Variants in SYN3 observed in about 807,000 individuals in gnomAD.
SYN3 encodes synapsin III, also known as synapsin-3.
A neutral mutation model predicts 65.8 loss-of-function variants in SYN3; 35 were observed. The ratio of observed to expected loss-of-function variants is 0.53; its 90% CI spans 0.41 to 0.70. The LOEUF is 0.70. Ranked by LOEUF, SYN3 falls within the 30% of genes least tolerant of loss-of-function variation. SYN3 has a pLI of 0.00. For synonymous variants in SYN3, 270 were observed against 292.9 expected, an observed-to-expected ratio of 0.92 and a Z score of 0.80; for missense variants, 680 against 749.0, an observed-to-expected ratio of 0.91 and a Z score of 1.08.
intron 7 of SYN3, among the ~76,000 whole-genome samples, chr22:32,565,489 T>C (rs2058660406): frequency 6.7e-6 from 1 of 150,104 alleles, no homozygotes; most frequent in South Asian, 2.1e-4. Context: ...ATATAAAAAA[T>C]ATAAATTCAT....
chr22:32,765,692 A>G (rs1025882284), intron 6 of SYN3, among the ~76,000 whole-genome samples: 2 of 152,146 alleles, frequency 1.3e-5, no homozygotes, highest in Non-Finnish European at 2.9e-5. Flanking sequence ...GGCCTGGGAA[A>G]GGCTAGAGAT....
In SYN3 at chr22:32,930,251, T is replaced by C. The variant is rs150884847; in HGVS notation, c.461+1139A>G. On this transcript the variant is annotated intron_variant, in intron 4 of 13. Transcript: ENST00000358763. ...TAATTGAATCATGGGGGCGGGTCTTTCTCATGCTGTTCTCGTGTTAGTGAG... is the reference window on the plus strand; with the variant it reads ...TAATTGAATCATGGGGGCGGGTCTTCCTCATGCTGTTCTCGTGTTAGTGAG... Among the ~76,000 whole-genome samples the C allele has an allele frequency of 4.9e-3, 749 of 152,224 alleles. 7 individuals are homozygous for C. The highest frequency in any genetic ancestry group is 0.017 in the African/African-American group (721 of 41,536).
At chr22:32,523,741 A>T (rs2057929544) in intron 12 of SYN3, among the ~76,000 whole-genome samples, 1 of 152,226 alleles carries the variant, frequency 6.6e-6, no homozygotes, top group African/African-American at 2.4e-5. Flanking sequence ...TTAAATAAAA[A>T]AACTAGAAAT....
chr22:32,999,727 C>G (rs1321678598), intron 2 of SYN3, among the ~76,000 whole-genome samples: 2 of 151,698 alleles, frequency 1.3e-5, no homozygotes, highest in Non-Finnish European at 2.9e-5. Flanking sequence ...AATAAAAGCA[C>G]AGGAAGCAGA....
chr22:32,955,810 T>G (rs1464328277), intron 3 of SYN3, among the ~76,000 whole-genome samples: 1 of 151,952 alleles, frequency 6.6e-6, no homozygotes, highest in African/African-American at 2.4e-5. Context: ...GTGGGCACCA[T>G]CTAATCAGCT....
chr22:32,549,779 C>T (rs2058384572), intron 7 of SYN3, among the ~76,000 whole-genome samples: 1 of 151,846 alleles, frequency 6.6e-6, no homozygotes. Flanking sequence ...TGCACCTGTA[C>T]TTGGAAGGCT....
chr22:32,868,883 T>A, intron 5 of SYN3, 83 bp downstream of exon 5: 1 of 1,409,320 alleles, frequency 7.1e-7, no homozygotes, highest in Non-Finnish European at 9.7e-7. Context: ...GAGGCCTCCA[T>A]GCTGGGGAGT....
intron 12 of SYN3, among the ~76,000 whole-genome samples, chr22:32,523,308 C>A (rs937216766): frequency 6.6e-6 from 1 of 152,116 alleles, no homozygotes; most frequent in Non-Finnish European, 1.5e-5. Context: ...GTCAGCAGAT[C>A]GAGACCATCA....
intron 3 of SYN3, among the ~76,000 whole-genome samples, chr22:32,960,098 C>A (rs528083842): frequency 6.6e-6 from 1 of 152,314 alleles, no homozygotes; most frequent in African/African-American, 2.4e-5. Context: ...ATAACTATGT[C>A]TTTCATTGTC....
rs556111581 is a variant in SYN3 at position 32,942,675 on chromosome 22, C to T, written c.370-11194G>A. Among the ~76,000 whole-genome samples the T allele has an allele frequency of 2.6e-4, 40 of 152,184 alleles. 1 individual carries two copies. In the Middle Eastern group the frequency reaches 0.017, roughly 65 times the overall value. ...GCTAAAGGAGGAAGTTCAAACCCAT[C>T]GCAAAGAAGCTAAAACCTTGAAAAA... On this transcript the variant is annotated intron_variant, in intron 3 of 13. Transcript: ENST00000358763.
intron 6 of SYN3, chr22:32,849,415 C>T: frequency 1.3e-6 from 2 of 1,597,590 alleles, no homozygotes; most frequent in Non-Finnish European, 1.7e-6. Context: ...TGGTTCAGGC[C>T]TTCCTAACCT....
chr22:32,689,129 T>C (rs1327744381), intron 6 of SYN3, among the ~76,000 whole-genome samples: 1 of 152,224 alleles, frequency 6.6e-6, no homozygotes, highest in Non-Finnish European at 1.5e-5. Context: ...AGCAGGTACA[T>C]TGAAGACTAC....
intron 6 of SYN3, among the ~76,000 whole-genome samples, chr22:32,600,350 C>T (rs80153211): frequency 0.037 from 5,624 of 150,522 alleles, 136 homozygotes; most frequent in Admixed American, 0.049. Flanking sequence ...GGGGCTCAGG[C>T]GGTCGTGCGA....
intron 4 of SYN3, among the ~76,000 whole-genome samples, chr22:32,901,041 G>A (rs555373956): frequency 2.6e-5 from 4 of 152,314 alleles, no homozygotes; most frequent in African/African-American, 7.2e-5. Context: ...GGAAAATGTG[G>A]TGATGCAAAA....
intron 2 of SYN3, among the ~76,000 whole-genome samples, chr22:33,001,992 AAG>A (rs1236785985): frequency 2.0e-5 from 3 of 152,190 alleles, no homozygotes; most frequent in African/African-American, 7.2e-5. Context: ...TGTTGGGATG[AAG>A]AGAGAGAGAA....
rs1001268830 is a variant in SYN3, at chr22:32,511,522, G to A, written c.*2170C>T. On this transcript the variant is annotated 3_prime_UTR_variant, in exon 14 of 14. Coordinates refer to ENST00000358763, the MANE Select transcript of SYN3 (RefSeq NM_003490.4). The stretch of plus-strand genomic sequence containing the variant: ...AAAAAGAAGGGAGATGTGTTACTGG[G>A]CAGAGTGAGCTCCAGACATGCCAGA... Among the ~76,000 whole-genome samples, 7 of 152,204 alleles carry A rather than the reference G, an allele frequency of 4.6e-5. No individual in the cohort carries two copies. Among genetic ancestry groups the A allele is most frequent in the African/African-American group, 1.4e-4 (6 of 41,446 alleles).
chr22:32,703,337 TTAAA>T (rs2060834521), intron 6 of SYN3, among the ~76,000 whole-genome samples: 1 of 151,748 alleles, frequency 6.6e-6, no homozygotes, highest in African/African-American at 2.4e-5. Flanking sequence ...CCCAATGGAG[TTAAA>T]TAAAGAGTTT....
At chr22:32,664,555 G>A (rs894048165) in intron 6 of SYN3, among the ~76,000 whole-genome samples, 33 of 146,294 alleles carry the variant, frequency 2.3e-4, no homozygotes, top group Non-Finnish European at 4.5e-4. Context: ...CCTGTCACTC[G>A]AGCAGCATAC....
intron 1 of SYN3, among the ~76,000 whole-genome samples, chr22:33,043,414 C>G (rs1304464925): frequency 6.6e-6 from 1 of 152,008 alleles, no homozygotes; most frequent in African/African-American, 2.4e-5. Context: ...TGGGTGCGGT[C>G]ACGGGCACCT....
Sources: allele counts gnomAD v4.1 joint callset (sites outside exome capture counted in the v4.1 genomes callset), GRCh38; gene constraint gnomAD v4.1.1; transcripts MANE v1.5; gene names NCBI Gene and HGNC (gene_info 2026-07-23, HGNC 2026-07-21).